The following EPS8 variants were observed in gnomAD, a reference collection of about 807,000 sequenced individuals.
The protein encoded by EPS8 is EGFR pathway substrate 8, signaling adaptor.
A neutral mutation model predicts 103.8 loss-of-function variants in EPS8; 42 were observed. The ratio of observed to expected loss-of-function variants is 0.40; its 90% confidence interval spans 0.32 to 0.52. EPS8 has a LOEUF of 0.52. Among genes scored for constraint, EPS8 ranks in the 20% least tolerant of loss-of-function variants. The probability of loss-of-function intolerance (pLI) is 0.40; values close to 1 mark genes in which losing one functional copy is unlikely to be tolerated. For missense variants in EPS8, 969 were observed against 1,005.1 expected, an observed-to-expected ratio of 0.96 and a Z score of 0.49; for synonymous variants, 344 against 344.6, an observed-to-expected ratio of 1.00 and a Z score of 0.02.
intron 1 of EPS8, among the ~76,000 whole-genome samples, chr12:15,719,421 C>A (rs1946570211): frequency 6.6e-6 from 1 of 152,112 alleles, no homozygotes; most frequent in Admixed American, 6.5e-5. Flanking sequence ...ATCAAATGAT[C>A]CTTGAAGCTT....
rs1946070577 is a variant in EPS8, at chr12:15,684,934, C to T, written c.-21-1962G>A. 2.0e-5 allele frequency among the ~76,000 whole-genome samples: 3 copies of T among 152,182 alleles called. No individual in the cohort carries two copies. Among genetic ancestry groups the T allele is most frequent in the African/African-American group, 4.8e-5 (2 of 41,436 alleles). On this transcript the variant is annotated intron_variant, in intron 1 of 20. Coordinates refer to ENST00000281172, the MANE Select transcript of EPS8 (RefSeq NM_004447.6). The surrounding 1 kb of genome is among the most constrained non-coding windows in gnomAD (Gnocchi z 4.9). ...TCCTTCTTCAGTTTACACTTGGATA[C>T]AATCAGTGGTGTGCTGGTAAACCAA...
In EPS8 at chr12:15,728,291, T is replaced by G. The variant is rs558200142; in HGVS notation, c.-21-45319A>C. Reference sequence around the variant, plus strand: ...AAAAGCAGGCACGGAAGCCAATTCATAGATTCCATTTTCAAACCAGGGGGG... The same window carrying G: ...AAAAGCAGGCACGGAAGCCAATTCAGAGATTCCATTTTCAAACCAGGGGGG... On this transcript the variant is annotated intron_variant, in intron 1 of 20. Coordinates refer to ENST00000281172, the MANE Select transcript of EPS8 (RefSeq NM_004447.6). This position sits in a 1 kb window ranked among gnomAD's most constrained non-coding sequence, Gnocchi z 4.5. The G allele has an allele frequency of 6.6e-6, 1 of 152,348 alleles. No homozygotes were observed. The highest frequency in any genetic ancestry group is 2.1e-4 in the South Asian group (1 of 4,832). 9.4% of individuals were successfully genotyped at this position (152,348 alleles called of 1,614,324 possible). A position where few individuals can be genotyped will look rare whatever the true frequency, so the allele number is the denominator to read the frequency against.
chr12:15,719,465 G>C (rs1445455319), intron 1 of EPS8, among the ~76,000 whole-genome samples: 2 of 152,114 alleles, frequency 1.3e-5, no homozygotes, highest in Non-Finnish European at 2.9e-5. Flanking sequence ...GATAGAAAGG[G>C]CTTGAAATCA....
chr12:15,701,789 ACAC>A lies in EPS8; in HGVS notation c.-21-18820_-21-18818del, dbSNP rs1363035792. On this transcript the variant is annotated intron_variant, in intron 1 of 20. Transcript: ENST00000281172. This position sits in a 1 kb window ranked among gnomAD's most constrained non-coding sequence, Gnocchi z 5.1. ...AAACACCAAAATGATACTGCCCTGG[ACAC>A]GGCCCTTAGGGGAAGAAAAATAACA... Among the ~76,000 whole-genome samples the A allele has an allele frequency of 1.3e-5, 2 of 152,186 alleles. No homozygotes were observed. The highest frequency in any genetic ancestry group is 2.9e-5 in the Non-Finnish European group (2 of 68,018).
At chr12:15,629,753 G>A (rs1038015818) in intron 18 of EPS8, among the ~76,000 whole-genome samples, 1 of 152,150 alleles carries the variant, frequency 6.6e-6, no homozygotes, top group African/African-American at 2.4e-5. Context: ...GTAAAAGTAG[G>A]CTTATGCTTA....
In EPS8 at chr12:15,704,955, T is replaced by TAC. The variant is rs1483706285; in HGVS notation, c.-21-21985_-21-21984dup. ...CTGTCCTTAAAATCCTGTGTGTATA[T>TAC]ACACACACACATACATATACATGTG... On this transcript the variant is annotated intron_variant, in intron 1 of 20. Coordinates refer to ENST00000281172, the MANE Select transcript of EPS8 (RefSeq NM_004447.6). This position sits in a 1 kb window ranked among gnomAD's most constrained non-coding sequence, Gnocchi z 4.6. Among the ~76,000 whole-genome samples the TAC allele has an allele frequency of 6.6e-6, 1 of 152,152 alleles. No homozygotes were observed. The highest frequency in any genetic ancestry group is 2.4e-5 in the African/African-American group (1 of 41,440).
At chr12:15,662,789 GAGAGTTGTTA>G (rs537273790) in intron 8 of EPS8, 3,522 of 303,858 alleles carry the variant, frequency 0.012, 22 homozygotes, top group Non-Finnish European at 0.014. Flanking sequence ...TCTAAACACA[GAGAGTTGTTA>G]CAGATATCTC....
At chr12:15,665,557 C>T (rs1025751464) in intron 8 of EPS8, 199 bp downstream of exon 8, 3 of 567,040 alleles carry the variant, frequency 5.3e-6, no homozygotes, top group Non-Finnish European at 9.2e-6. Context: ...TCTCAAACTC[C>T]TGACCTCAGG....
Position 15,669,844 on chromosome 12 carries a change from G to C in EPS8, c.205-19C>G, listed in dbSNP as rs1334103097. ...TCAAGTGCTTACAATTGGCAAAAAG[G>C]AAAAAGATTTATAACACATACAAAC... On this transcript the variant is annotated intron_variant, in intron 4 of 20. Coordinates refer to ENST00000281172, the MANE Select transcript of EPS8 (RefSeq NM_004447.6). The C allele has an allele frequency of 6.4e-7, 1 of 1,563,662 alleles. No homozygotes were observed. Among genetic ancestry groups the C allele is most frequent in the Non-Finnish European group, 8.6e-7 (1 of 1,158,054 alleles).
At chr12:15,646,145 C>A (rs1393616952) in intron 15 of EPS8, among the ~76,000 whole-genome samples, 2 of 151,782 alleles carry the variant, frequency 1.3e-5, no homozygotes, top group African/African-American at 4.9e-5. Flanking sequence ...ATATATTATT[C>A]ATTGCTGACT....
rs997005716 is a variant in EPS8 at position 15,745,939 on chromosome 12, G to C, written c.-22+43222C>G. Among the ~76,000 whole-genome samples the C allele has an allele frequency of 3.3e-5, 5 of 152,132 alleles. No individual in the cohort carries two copies. The highest frequency in any genetic ancestry group is 1.2e-4 in the African/African-American group (5 of 41,442). ...CGATCATGCCATAAAATCTCACAAA[G>C]CCTTATGAGGGTTGAAGAGTTACAC... On this transcript the variant is annotated intron_variant, in intron 1 of 20. Transcript: ENST00000281172. This position sits in a 1 kb window ranked among gnomAD's most constrained non-coding sequence, Gnocchi z 4.6.
Position 15,737,523 on chromosome 12 carries a change from T to C in EPS8, c.-22+51638A>G, listed in dbSNP as rs111786969. ...CAGGCTCTGCTCTAAGTGCCTAATG[T>C]ATATGAACTCATTTAATCCTCACAA... On this transcript the variant is annotated intron_variant, in intron 1 of 20. Transcript: ENST00000281172. Among the ~76,000 whole-genome samples, 261 of 152,292 alleles carry C rather than the reference T, an allele frequency of 1.7e-3. 3 individuals are homozygous for C. The highest frequency in any genetic ancestry group is 4.6e-3 in the African/African-American group (192 of 41,570).
intron 18 of EPS8, among the ~76,000 whole-genome samples, chr12:15,626,070 A>T (rs942414095): frequency 1.3e-5 from 2 of 152,122 alleles, no homozygotes; most frequent in Non-Finnish European, 2.9e-5. Context: ...AGACTTCTCA[A>T]CTCACTTAAT....
intron 13 of EPS8, 101 bp downstream of exon 13, chr12:15,654,044 C>T (rs762678934): frequency 5.1e-5 from 58 of 1,147,822 alleles, no homozygotes; most frequent in Middle Eastern, 2.0e-4. Flanking sequence ...CATCCTATGA[C>T]GCTTAGTCCT....
rs1184629111 is a variant in EPS8, at chr12:15,745,057, T to C, written c.-22+44104A>G. Reference sequence around the variant, plus strand: ...TTTTGTATTTTTAGTAGAGATGGGTTTCACCACGTTGGACAGGATGGTCTC... The same window carrying C: ...TTTTGTATTTTTAGTAGAGATGGGTCTCACCACGTTGGACAGGATGGTCTC... On this transcript the variant is annotated intron_variant, in intron 1 of 20. Transcript: ENST00000281172. The surrounding 1 kb of genome is among the most constrained non-coding windows in gnomAD (Gnocchi z 4.6). Among the ~76,000 whole-genome samples, 1 of 152,128 alleles carries C rather than the reference T, an allele frequency of 6.6e-6. No homozygotes were observed.
At chr12:15,750,931 G>T (rs563757792) in intron 1 of EPS8, among the ~76,000 whole-genome samples, 1 of 151,790 alleles carries the variant, frequency 6.6e-6, no homozygotes, top group Non-Finnish European at 1.5e-5. Context: ...TGAACCCTTC[G>T]GCTCAAATTA....
In EPS8 at chr12:15,713,033, C is replaced by T. The variant is rs912614173; in HGVS notation, c.-21-30061G>A. 5.1e-6 allele frequency: 5 copies of T among 982,450 alleles called. No individual in the cohort carries two copies. Among genetic ancestry groups the T allele is most frequent in the Non-Finnish European group, 4.8e-6 (4 of 827,296 alleles). The allele number at this position is 982,450 out of a possible 1,614,324, so 60.9% of individuals were successfully genotyped here. ...AATTTCTGATTTGGTTTCTCTAGGG[C>T]GTTAACTAAGATTTCCTCCTCTTGT... On this transcript the variant is annotated intron_variant, in intron 1 of 20. Transcript: ENST00000281172. This position sits in a 1 kb window ranked among gnomAD's most constrained non-coding sequence, Gnocchi z 4.8.
In EPS8 at chr12:15,706,928, T is replaced by C. The variant is rs925799873; in HGVS notation, c.-21-23956A>G. 6.6e-6 allele frequency among the ~76,000 whole-genome samples: 1 copy of C among 152,228 alleles called. No individual in the cohort carries two copies. Among genetic ancestry groups the C allele is most frequent in the African/African-American group, 2.4e-5 (1 of 41,468 alleles). ...AGACAAGCTTACATTTCAGTCCTTA[T>C]TAAATGTAAAACTTTAGGCTTACTT... On this transcript the variant is annotated intron_variant, in intron 1 of 20. Transcript: ENST00000281172. This position sits in a 1 kb window ranked among gnomAD's most constrained non-coding sequence, Gnocchi z 5.2.
At chr12:15,756,249 G>C (rs1431776459) in intron 1 of EPS8, among the ~76,000 whole-genome samples, 1 of 152,158 alleles carries the variant, frequency 6.6e-6, no homozygotes, top group East Asian at 1.9e-4. Flanking sequence ...TAGCAAAGTA[G>C]TCTAGACAAC....
Sources: allele counts gnomAD v4.1 joint callset (sites outside exome capture counted in the v4.1 genomes callset), GRCh38; gene constraint gnomAD v4.1.1; non-coding constraint Gnocchi (gnomAD v3.1); transcripts MANE v1.5; gene names NCBI Gene and HGNC (gene_info 2026-07-23, HGNC 2026-07-21).